The following CNTN4 variants were observed in gnomAD, a reference collection of about 807,000 sequenced individuals.
CNTN4 encodes contactin 4.
A neutral mutation model predicts 122.5 loss-of-function variants in CNTN4; 77 were observed. That is an observed-to-expected ratio of 0.63 (90% confidence interval 0.52 to 0.76). The LOEUF is 0.76. Ranked by LOEUF, CNTN4 falls within the 30% of genes least tolerant of loss-of-function variation. The pLI, the probability that CNTN4 is intolerant of heterozygous loss-of-function variation, is 0.00. For synonymous variants in CNTN4, 512 were observed against 447.0 expected, an observed-to-expected ratio of 1.15 and a Z score of -1.83; for missense variants, 1,256 against 1,259.1, an observed-to-expected ratio of 1.00 and a Z score of 0.04.
At chr3:2,973,521 C>A (rs1693130712) in intron 13 of CNTN4, among the ~76,000 whole-genome samples, 1 of 151,990 alleles carries the variant, frequency 6.6e-6, no homozygotes, top group African/African-American at 2.4e-5. Flanking sequence ...TTATAATTTG[C>A]TTCTGAAAAC....
chr3:2,762,401 T>C (rs144803879), intron 6 of CNTN4, among the ~76,000 whole-genome samples: 3,634 of 152,266 alleles, frequency 0.024, 49 homozygotes, highest in South Asian at 0.046. Flanking sequence ...TATCTGTTGT[T>C]CCCTTCTATG....
intron 4 of CNTN4, among the ~76,000 whole-genome samples, chr3:2,608,045 G>A (rs997935065): frequency 2.6e-5 from 4 of 151,994 alleles, no homozygotes; most frequent in Non-Finnish European, 5.9e-5. Flanking sequence ...TAATTTAGAC[G>A]TTTAGGTTAA....
intron 2 of CNTN4, among the ~76,000 whole-genome samples, chr3:2,336,323 T>C (rs62244012): frequency 0.13 from 19,308 of 152,100 alleles, 1,507 homozygotes; most frequent in Non-Finnish European, 0.18. Flanking sequence ...AGTAAATACT[T>C]TTTGAATAAA....
intron 2 of CNTN4, among the ~76,000 whole-genome samples, chr3:2,190,881 C>T (rs896986420): frequency 6.6e-6 from 1 of 151,696 alleles, no homozygotes; most frequent in Non-Finnish European, 1.5e-5. Context: ...ACACACACCA[C>T]TACCTTAGTA....
At chr3:2,291,361 A>G (rs190215873) in intron 2 of CNTN4, among the ~76,000 whole-genome samples, 3 of 152,204 alleles carry the variant, frequency 2.0e-5, no homozygotes, top group African/African-American at 7.2e-5. Context: ...TTATCTCCAA[A>G]TTTTCAGCAT....
chr3:2,326,826 C>T (rs2043483966), intron 2 of CNTN4, among the ~76,000 whole-genome samples: 1 of 152,144 alleles, frequency 6.6e-6, no homozygotes, highest in Non-Finnish European at 1.5e-5. Context: ...AGAAAGAATA[C>T]TTTGCCCAGG....
chr3:2,781,774 G>A (rs1397442873), intron 6 of CNTN4, among the ~76,000 whole-genome samples: 5 of 136,774 alleles, frequency 3.7e-5, no homozygotes, highest in African/African-American at 1.2e-4. Flanking sequence ...GCCCAGGCTG[G>A]AGGGCAGTAG....
intron 4 of CNTN4, among the ~76,000 whole-genome samples, chr3:2,667,641 G>A (rs972797552): frequency 1.4e-5 from 2 of 144,084 alleles, no homozygotes; most frequent in Admixed American, 1.4e-4. Context: ...ATTGCTTTTG[G>A]TGTTTTAGAC....
chr3:2,287,991 A>T (rs1363226052), intron 2 of CNTN4, among the ~76,000 whole-genome samples: 1 of 152,236 alleles, frequency 6.6e-6, no homozygotes, highest in Non-Finnish European at 1.5e-5. Context: ...AGAATCTGTG[A>T]GAGCCAGAAT....
intron 3 of CNTN4, among the ~76,000 whole-genome samples, chr3:2,467,813 C>G (rs573445880): frequency 6.6e-6 from 1 of 152,130 alleles, no homozygotes; most frequent in Non-Finnish European, 1.5e-5. Context: ...GTGTCCTGGT[C>G]CCTCCTGAGT....
At chr3:2,951,496 G>T (rs1414840884) in intron 13 of CNTN4, among the ~76,000 whole-genome samples, 1 of 152,168 alleles carries the variant, frequency 6.6e-6, no homozygotes, top group Non-Finnish European at 1.5e-5. Flanking sequence ...ACAGGCCATG[G>T]ACCAGTACCA....
chr3:2,356,754 A>G (rs2044890854), intron 3 of CNTN4, among the ~76,000 whole-genome samples: 2 of 152,204 alleles, frequency 1.3e-5, no homozygotes, highest in African/African-American at 4.8e-5. Flanking sequence ...AACACCTCTG[A>G]CACAGTTGCT....
Position 2,220,047 on chromosome 3 carries a change from A to G in CNTN4, c.-144-119131A>G, listed in dbSNP as rs572007307. Among the ~76,000 whole-genome samples the G allele has an allele frequency of 3.3e-5, 5 of 152,282 alleles. No individual in the cohort carries two copies. In the East Asian group the frequency reaches 5.8e-4, roughly 18 times the overall value. On this transcript the variant is annotated intron_variant, in intron 2 of 24. Transcript: ENST00000418658. The stretch of plus-strand genomic sequence containing the variant: ...CAGTACTTGCTGTTAGACAAATACA[A>G]TTACTCATTTCTTCTCTGCCATCAC...
At chr3:2,354,312 C>T (rs1257164362) in intron 3 of CNTN4, among the ~76,000 whole-genome samples, 1 of 152,172 alleles carries the variant, frequency 6.6e-6, no homozygotes, top group Non-Finnish European at 1.5e-5. Flanking sequence ...AGGCGGATCA[C>T]CTGAGGTCAG....
At chr3:2,799,955 T>G (rs938209657) in intron 6 of CNTN4, among the ~76,000 whole-genome samples, 1 of 152,118 alleles carries the variant, frequency 6.6e-6, no homozygotes, top group Non-Finnish European at 1.5e-5. Context: ...GTATGTGGCT[T>G]TAATTCTGGG....
intron 3 of CNTN4, among the ~76,000 whole-genome samples, chr3:2,343,990 T>C (rs1188058105): frequency 2.0e-5 from 3 of 152,076 alleles, no homozygotes; most frequent in African/African-American, 7.2e-5. Context: ...GCGAATCTCT[T>C]TTAAAAACAA....
chr3:2,389,353 CGGAGAAA>C (rs2046365278), intron 3 of CNTN4, among the ~76,000 whole-genome samples: 1 of 139,694 alleles, frequency 7.2e-6, no homozygotes, highest in African/African-American at 2.8e-5. Flanking sequence ...ATGTTGTTCT[CGGAGAAA>C]CCTTCCCCGT....
intron 4 of CNTN4, among the ~76,000 whole-genome samples, chr3:2,591,934 G>A (rs2080514050): frequency 1.3e-5 from 2 of 152,100 alleles, no homozygotes; most frequent in South Asian, 4.1e-4. Flanking sequence ...GCTGGAGTAA[G>A]TAGTGCAATC....
chr3:3,056,868 G>C lies in CNTN4; in HGVS notation c.*648G>C, dbSNP rs2125932625. The C allele has an allele frequency of 6.5e-6, 1 of 152,820 alleles. No homozygotes were observed. Among genetic ancestry groups the C allele is most frequent in the East Asian group, 1.9e-4 (1 of 5,188 alleles). 9.5% of individuals were successfully genotyped at this position (152,820 alleles called of 1,614,324 possible). A position where few individuals can be genotyped will look rare whatever the true frequency, so the allele number is the denominator to read the frequency against. ...TTGTTGTTCAACCCAACTTGAGATG[G>C]TTTCAGGAATGGCTGCAATCTCAAA... On this transcript the variant is annotated 3_prime_UTR_variant, in exon 25 of 25. Transcript: ENST00000418658.
Sources: gnomAD v4.1 joint callset for allele counts (sites outside exome capture counted in the v4.1 genomes callset) on GRCh38, gnomAD v4.1.1 for gene constraint, MANE v1.5 for transcripts, NCBI Gene and HGNC (gene_info 2026-07-23, HGNC 2026-07-21) for gene names.